Variants in GRIN2B observed in about 807,000 individuals in gnomAD.
GRIN2B encodes the protein glutamate receptor ionotropic, NMDA 2B.
A neutral mutation model predicts 114.5 loss-of-function variants in GRIN2B; 5 were observed. The observed-to-expected ratio is 0.04, with a 90% CI of 0.02 to 0.09. The LOEUF (loss-of-function observed/expected upper bound fraction) is 0.09. GRIN2B is among the 10% of genes least tolerant of loss of function. GRIN2B has a pLI of 1.00. For synonymous variants in GRIN2B, 787 were observed against 745.1 expected, an observed-to-expected ratio of 1.06 and a Z score of -0.92; for missense variants, 1,108 against 1,943.5, an observed-to-expected ratio of 0.57 and a Z score of 8.08.
intron 5 of GRIN2B, among the ~76,000 whole-genome samples, chr12:13,617,223 C>T (rs1447645623): frequency 1.3e-5 from 2 of 152,220 alleles, no homozygotes; most frequent in Non-Finnish European, 2.9e-5. Context: ...AATAAAATTA[C>T]AAATTGGGAT....
chr12:13,746,870 G>A (rs780881170), intron 4 of GRIN2B, among the ~76,000 whole-genome samples: 2 of 152,038 alleles, frequency 1.3e-5, no homozygotes, highest in Non-Finnish European at 2.9e-5. Flanking sequence ...GTGACATGCC[G>A]GCCCCCCTCC....
intron 3 of GRIN2B, among the ~76,000 whole-genome samples, chr12:13,807,817 C>A (rs1001519116): frequency 1.1e-4 from 16 of 145,720 alleles, no homozygotes; most frequent in African/African-American, 4.1e-4. Flanking sequence ...TGTCAGTCTG[C>A]TTCTGAGTCC....
At chr12:13,627,124 C>CCTAT (rs1949576442) in intron 5 of GRIN2B, among the ~76,000 whole-genome samples, 1 of 151,874 alleles carries the variant, frequency 6.6e-6, no homozygotes, top group Non-Finnish European at 1.5e-5. Flanking sequence ...GAGAAACTGA[C>CCTAT]CTATGGAAGG....
intron 3 of GRIN2B, among the ~76,000 whole-genome samples, chr12:13,821,724 A>G (rs1864942344): frequency 6.6e-6 from 1 of 152,342 alleles, no homozygotes; most frequent in South Asian, 2.1e-4. Context: ...TTGGAGCCAC[A>G]TATGATTGAC....
rs1027993506 is a variant in GRIN2B at position 13,549,164 on chromosome 12, T to C, written c.*13619A>G. 5 of 152,296 alleles carry C rather than the reference T, an allele frequency of 3.3e-5. No homozygotes were observed. In the South Asian group the frequency reaches 6.2e-4, roughly 19 times the overall value. The allele number at this position is 152,296 out of a possible 1,614,324, so 9.4% of individuals were successfully genotyped here. On this transcript the variant is annotated 3_prime_UTR_variant, in exon 14 of 14. Coordinates refer to ENST00000609686, the MANE Select transcript of GRIN2B (RefSeq NM_000834.5). ...TATATCCTGAGCTTGATATCATTCATAAGTGAACAGGTGGGTTGTAAGAGA... is the reference window on the plus strand; with the variant it reads ...TATATCCTGAGCTTGATATCATTCACAAGTGAACAGGTGGGTTGTAAGAGA...
At chr12:13,763,210 C>G (rs1046907577) in intron 3 of GRIN2B, among the ~76,000 whole-genome samples, 2 of 152,196 alleles carry the variant, frequency 1.3e-5, no homozygotes, top group African/African-American at 4.8e-5. Flanking sequence ...TCACCAAGTA[C>G]TGCCTTCTGA....
chr12:13,800,323 A>T (rs1322925345), intron 3 of GRIN2B, among the ~76,000 whole-genome samples: 2 of 152,126 alleles, frequency 1.3e-5, no homozygotes, highest in Non-Finnish European at 2.9e-5. Flanking sequence ...ACTCTGGAAC[A>T]TTTACAATCT....
chr12:13,845,008 A>T (rs1456509001), intron 3 of GRIN2B, among the ~76,000 whole-genome samples: 1 of 152,062 alleles, frequency 6.6e-6, no homozygotes, highest in Non-Finnish European at 1.5e-5. Context: ...ATTTCTCTGC[A>T]TACTTGAGCA....
intron 3 of GRIN2B, among the ~76,000 whole-genome samples, chr12:13,864,288 C>T (rs1865790639): frequency 1.3e-5 from 2 of 152,150 alleles, no homozygotes; most frequent in South Asian, 4.1e-4. Context: ...CGGTAACGGT[C>T]ATGCAAGGTT....
At chr12:13,814,494 A>G (rs1251314999) in intron 3 of GRIN2B, among the ~76,000 whole-genome samples, 1 of 152,256 alleles carries the variant, frequency 6.6e-6, no homozygotes, top group Non-Finnish European at 1.5e-5. Context: ...TTAGTACCTA[A>G]GAAGAAAACC....
chr12:13,945,045 T>C (rs1385224979), intron 2 of GRIN2B, among the ~76,000 whole-genome samples: 1 of 152,172 alleles, frequency 6.6e-6, no homozygotes, highest in Non-Finnish European at 1.5e-5. Context: ...GCTAGAAAAA[T>C]AAATTACTTT....
At position 13,900,305 on chromosome 12, in the gene GRIN2B, C is replaced by T. The variant is rs1352167538; in HGVS notation, c.-18-34079G>A. Among the ~76,000 whole-genome samples the T allele has an allele frequency of 1.3e-5, 2 of 151,914 alleles. 1 individual carries two copies. The highest frequency in any genetic ancestry group is 3.9e-4 in the East Asian group (2 of 5,164). On this transcript the variant is annotated intron_variant, in intron 2 of 13. Coordinates refer to ENST00000609686, the MANE Select transcript of GRIN2B (RefSeq NM_000834.5). ...CCTGACCAATGTGGAGAAACCCCGT[C>T]TCGACTGAAAATACAAAAAATTAGC...
intron 10 of GRIN2B, among the ~76,000 whole-genome samples, chr12:13,597,881 A>G (rs2136450738): frequency 6.6e-6 from 1 of 152,358 alleles, no homozygotes; most frequent in African/African-American, 2.4e-5. Flanking sequence ...TGTTCATTAC[A>G]TAGTTCAATA....
At chr12:13,921,993 T>C (rs553377330) in intron 2 of GRIN2B, among the ~76,000 whole-genome samples, 1 of 152,332 alleles carries the variant, frequency 6.6e-6, no homozygotes, top group African/African-American at 2.4e-5. Context: ...AGCCTTAGGT[T>C]CTGTATCAGG....
rs139012657 is a variant in GRIN2B at position 13,765,593 on chromosome 12, T to G, written c.412-11678A>C. On this transcript the variant is annotated intron_variant, in intron 3 of 13. Transcript: ENST00000609686. ...ATTACTAAGCCCACTCTCAGCCTTTTCTTCCTGAGCCTAAACAATCTCCCT... is the reference window on the plus strand; with the variant it reads ...ATTACTAAGCCCACTCTCAGCCTTTGCTTCCTGAGCCTAAACAATCTCCCT... 5.2e-3 allele frequency among the ~76,000 whole-genome samples: 795 copies of G among 152,372 alleles called. 8 individuals are homozygous for G. Among genetic ancestry groups the G allele is most frequent in the African/African-American group, 0.019 (774 of 41,586 alleles).
intron 2 of GRIN2B, among the ~76,000 whole-genome samples, chr12:13,891,206 G>A (rs943541449): frequency 6.6e-5 from 10 of 152,152 alleles, no homozygotes; most frequent in South Asian, 2.1e-4. Context: ...ATATGCAAAT[G>A]CATGTGAATA....
intron 2 of GRIN2B, among the ~76,000 whole-genome samples, chr12:13,931,639 G>A (rs918369226): frequency 6.6e-6 from 1 of 152,116 alleles, no homozygotes; most frequent in Non-Finnish European, 1.5e-5. Flanking sequence ...GATTCAAATG[G>A]ATTTCTAAAT....
chr12:13,608,127 A>G (rs1331370685), intron 10 of GRIN2B, among the ~76,000 whole-genome samples: 1 of 152,176 alleles, frequency 6.6e-6, no homozygotes, highest in African/African-American at 2.4e-5. Context: ...TCTCTTCAAG[A>G]CACAATGCTT....
At chr12:13,658,824 C>A (rs377675654) in intron 5 of GRIN2B, among the ~76,000 whole-genome samples, 1 of 151,904 alleles carries the variant, frequency 6.6e-6, no homozygotes, top group Non-Finnish European at 1.5e-5. Context: ...TGAGAACCAC[C>A]GAGAAGTCAG....
Sources: gnomAD v4.1 joint callset for allele counts (sites outside exome capture counted in the v4.1 genomes callset) on GRCh38, gnomAD v4.1.1 for gene constraint, MANE v1.5 for transcripts, NCBI Gene and HGNC (gene_info 2026-07-23, HGNC 2026-07-21) for gene names.